The following EXOC3 variants were observed in gnomAD, a reference collection of about 807,000 sequenced individuals.
EXOC3 encodes SEC6-like 1.
EXOC3 carries 21 observed loss-of-function variants against 73.7 expected under a neutral mutation model. That is an observed-to-expected ratio of 0.29 (90% CI 0.20 to 0.41). The LOEUF is 0.41. Among genes scored for constraint, EXOC3 ranks in the 10% least tolerant of loss-of-function variants. The pLI is 1.00. For missense variants in EXOC3, 842 were observed against 985.1 expected (o/e 0.85, Z 1.95); for synonymous variants, 410 against 389.1 (o/e 1.05, Z -0.63).
At chr5:452,869 G>T (rs1021008873) in intron 3 of EXOC3, among the ~76,000 whole-genome samples, 1 of 152,234 alleles carries the variant, frequency 6.6e-6, no homozygotes, top group African/African-American at 2.4e-5. Flanking sequence ...ACAGATGAAG[G>T]GGGTGGTGAA....
At chr5:457,525 C>T (rs986010630) in intron 5 of EXOC3, 8 of 230,604 alleles carry the variant, frequency 3.5e-5, no homozygotes, top group Admixed American at 1.5e-4. Flanking sequence ...TCTCTTGGGA[C>T]GTGAGCTGCT....
chr5:443,485 C>T (rs1336180213), intron 1 of EXOC3, among the ~76,000 whole-genome samples, 195 bp downstream of exon 1: 3 of 152,158 alleles, frequency 2.0e-5, no homozygotes, highest in Admixed American at 6.5e-5. Flanking sequence ...CAGGTGTCCT[C>T]CCCGGCACAT....
intron 9 of EXOC3, among the ~76,000 whole-genome samples, chr5:463,783 A>G (rs2561666): frequency 0.7 from 106,666 of 152,176 alleles, 38,054 homozygotes; most frequent in African/African-American, 0.83. Context: ...TCACTGTTGC[A>G]TTATTGCAAA....
chr5:465,643 C>T (rs1738124675), intron 11 of EXOC3, 75 bp from the exon 12 acceptor site: 1 of 1,580,048 alleles, frequency 6.3e-7, no homozygotes, highest in Non-Finnish European at 8.6e-7. Context: ...CAGGAAGGGG[C>T]TCAGCCAGAA....
At chr5:461,357 G>A (rs1481903378) in intron 7 of EXOC3, among the ~76,000 whole-genome samples, 1 of 152,172 alleles carries the variant, frequency 6.6e-6, no homozygotes, top group Non-Finnish European at 1.5e-5. Flanking sequence ...GCTTACGCCT[G>A]TAATCCCAGC....
Position 454,005 on chromosome 5 carries a change from A to G in EXOC3, c.1000A>G (p.Asn334Asp). 1 of 1,613,392 alleles carries G rather than the reference A, an allele frequency of 6.2e-7. No homozygotes were observed. The highest frequency in any genetic ancestry group is 1.3e-5 in the African/African-American group (1 of 75,062). Residue 334 changes from asparagine (N) to aspartate (D), a missense_variant, in exon 4 of 13, where the codon AAT becomes GAT. Physicochemically the swap from Asn to Asp is conservative, Grantham distance 23. Transcript: ENST00000512944. ...CCTCGCATCGGAAGACCTGGAAGCC[A>G]ATGAGATCGTGAGCCTCTTGACGTG... The part of the protein sequence containing the change: ...QDLASEDLEA[N>D]EIVSLLTWVL...
intron 1 of EXOC3, among the ~76,000 whole-genome samples, chr5:445,499 A>G (rs1737480391): frequency 1.3e-5 from 2 of 152,114 alleles, no homozygotes; most frequent in Non-Finnish European, 2.9e-5. Context: ...ACAGGCACCC[A>G]CCAACATGCC....
At chr5:445,084 A>G (rs1472719714) in intron 1 of EXOC3, 1 of 152,264 alleles carries the variant, frequency 6.6e-6, no homozygotes, top group Non-Finnish European at 1.5e-5. Context: ...TTTAATATTC[A>G]TGAAGATGAA....
At chr5:445,419 G>A (rs531043787) in intron 1 of EXOC3, among the ~76,000 whole-genome samples, 2 of 147,286 alleles carry the variant, frequency 1.4e-5, no homozygotes, top group South Asian at 2.1e-4. Context: ...GCGCGATCTC[G>A]GCTGACTGCA....
intron 10 of EXOC3, chr5:464,832 T>C (rs894591556): frequency 3.9e-6 from 2 of 518,472 alleles, no homozygotes; most frequent in African/African-American, 3.8e-5. Flanking sequence ...GACACGGGCC[T>C]GTCTGTGGAC....
intron 12 of EXOC3, 200 bp downstream of exon 12, chr5:466,045 A>C: frequency 7.7e-6 from 3 of 392,004 alleles, no homozygotes; most frequent in Non-Finnish European, 1.4e-5. Flanking sequence ...CCTGGGCTAC[A>C]GTGTGGGTGG....
chr5:443,561 G>A (rs11739543), intron 1 of EXOC3, among the ~76,000 whole-genome samples: 40,368 of 151,766 alleles, frequency 0.27, 6,990 homozygotes, highest in Non-Finnish European at 0.39. Context: ...GTCCTTCCTG[G>A]TGCAGGTGTC....
Position 447,514 on chromosome 5 carries a change from G to A in EXOC3, c.145-19G>A, listed in dbSNP as rs533793691. 1.6e-5 allele frequency: 25 copies of A among 1,522,896 alleles called. No individual in the cohort carries two copies. The highest frequency in any genetic ancestry group is 2.5e-5 in the East Asian group (1 of 40,508). The allele number at this position is 1,522,896 out of a possible 1,614,324, so 94.3% of individuals were successfully genotyped here. A position where few individuals can be genotyped will look rare whatever the true frequency, so the allele number is the denominator to read the frequency against. On this transcript the variant is annotated intron_variant, in intron 2 of 12. Transcript: ENST00000512944. ...TGGCTATCATTGGCTCTGCTCACCC[G>A]TGTGGCGTCTCTCTTTAGGCCGCCA...
intron 7 of EXOC3, among the ~76,000 whole-genome samples, chr5:461,476 G>A (rs1737981597): frequency 6.6e-6 from 1 of 152,116 alleles, no homozygotes. Flanking sequence ...AGCTGGGCAT[G>A]GTGGGGCACA....
intron 5 of EXOC3, chr5:457,444 G>A (rs952262042): frequency 4.2e-5 from 10 of 240,090 alleles, no homozygotes; most frequent in South Asian, 1.8e-4. Flanking sequence ...ACAAGGGTGC[G>A]TCCACCTAGC....
intron 1 of EXOC3, among the ~76,000 whole-genome samples, 180 bp downstream of exon 1, chr5:443,470 C>T (rs1176533795): frequency 1.3e-5 from 2 of 152,218 alleles, no homozygotes; most frequent in East Asian, 3.9e-4. Flanking sequence ...CGAGTGTCCT[C>T]GGCGCAGGTG....
intron 1 of EXOC3, 45 bp from the exon 2 acceptor site, chr5:446,098 TTTGGGGG>T: frequency 7.9e-7 from 1 of 1,266,308 alleles, no homozygotes; most frequent in East Asian, 2.3e-5. Context: ...CACCTGATAG[TTTGGGGG>T]AGGTTTTGTA....
rs1030146505 is a variant in EXOC3 at position 465,230 on chromosome 5, G to C, written c.1896G>C (p.Arg632Ser). Residue 632 changes from arginine to serine, a missense_variant, in exon 11 of 13, where the codon AGG becomes AGC. Arg to Ser is a moderately radical substitution (Grantham distance 110, BLOSUM62 -1). Coordinates refer to ENST00000512944, the MANE Select transcript of EXOC3 (RefSeq NM_007277.5). ...ERKEGAEKMV[R>S]EAEQLRFLFR... The stretch of plus-strand genomic sequence containing the variant: ...AGGAGGGTGCCGAGAAGATGGTTAG[G>C]GAGGCAGAGCAGCTGCGCTTCCTGT... 3.8e-6 allele frequency: 6 copies of C among 1,592,706 alleles called. No homozygotes were observed. Among genetic ancestry groups the C allele is most frequent in the Non-Finnish European group, 5.1e-6 (6 of 1,170,116 alleles).
At chr5:456,780 C>T in intron 4 of EXOC3, 109 bp from the exon 5 acceptor site, 1 of 848,496 alleles carries the variant, frequency 1.2e-6, no homozygotes, top group Non-Finnish European at 1.9e-6. Context: ...ACCAGGAAGT[C>T]TCCAGGGTGG....
Sources: gnomAD v4.1 joint callset for allele counts (sites outside exome capture counted in the v4.1 genomes callset) on GRCh38, gnomAD v4.1.1 for gene constraint, MANE v1.5 for transcripts, NCBI Gene and HGNC (gene_info 2026-07-23, HGNC 2026-07-21) for gene names.